ZC3H12C: variants seen among roughly 807,000 people sequenced by gnomAD.
ZC3H12C encodes zinc finger CCCH-type containing 12C.
In ZC3H12C, 20 loss-of-function variants were observed where a neutral mutation model predicts 76.3. That is an observed-to-expected ratio of 0.26 (90% confidence interval 0.18 to 0.38). ZC3H12C has a LOEUF of 0.38. Among genes scored for constraint, ZC3H12C ranks in the 10% least tolerant of loss-of-function variants. ZC3H12C has a pLI of 1.00. For missense variants in ZC3H12C, 874 were observed against 1,086.5 expected (o/e 0.80, Z 2.75); for synonymous variants, 352 against 399.6 (o/e 0.88, Z 1.42).
At chr11:110,159,105 A>C (rs1862430938) in intron 3 of ZC3H12C, 151 bp from the exon 4 acceptor site, 2 of 617,882 alleles carry the variant, frequency 3.2e-6, no homozygotes, top group East Asian at 5.5e-5. Flanking sequence ...AGAGTTGGAA[A>C]TGATGCTGTA....
rs1474777369 is a variant in ZC3H12C at position 110,163,355 on chromosome 11, C to T, written c.1231C>T (p.His411Tyr). 1.2e-6 allele frequency: 2 copies of T among 1,612,318 alleles called. No individual in the cohort carries two copies. Among genetic ancestry groups the T allele is most frequent in the African/African-American group, 1.3e-5 (1 of 74,922 alleles). Residue 411 changes from histidine (H) to tyrosine (Y), a missense_variant, in exon 5 of 6, where the codon CAC (histidine) becomes TAC (tyrosine). Coordinates refer to ENST00000278590, the MANE Select transcript of ZC3H12C (RefSeq NM_033390.2). ...GAGGAAGAAACCTATTGTTCCTGAA[C>T]ACAAAAAGCAGCCTTGTCCATATGG... is the stretch of plus-strand genomic sequence containing the variant. The part of the protein sequence containing the change: ...FLRKKPIVPE[H>Y]KKQPCPYGKK...
At chr11:110,131,045 T>C (rs1861856275) in intron 1 of ZC3H12C, 2 of 1,535,856 alleles carry the variant, frequency 1.3e-6, no homozygotes, top group Non-Finnish European at 1.7e-6. Context: ...GCTAAAATTG[T>C]GTTAAGGAGT....
chr11:110,122,969 C>T (rs931368849), intron 1 of ZC3H12C, among the ~76,000 whole-genome samples: 3 of 152,202 alleles, frequency 2.0e-5, no homozygotes, highest in Non-Finnish European at 4.4e-5. Context: ...GGATAATGCA[C>T]ATCCTGGGTG....
At position 110,164,483 on chromosome 11, in the gene ZC3H12C, A is replaced by G; in HGVS notation, c.1398A>G (p.Lys466=). ...AKTANEGGLV[K]SNSVPCSTKA... is the part of the protein sequence containing the mutation. The stretch of plus-strand genomic sequence containing the variant: ...CTGCAAACGAAGGAGGACTGGTGAA[A>G]AGCAACAGTGTTCCTTGTAGCACCA... Residue 466 remains lysine (K), a synonymous_variant, in exon 6 of 6, where the codon AAA becomes AAG. Transcript: ENST00000278590. This position sits in a 1 kb window ranked among gnomAD's most constrained non-coding sequence, Gnocchi z 5.7. 1 of 1,614,016 alleles carries G rather than the reference A, an allele frequency of 6.2e-7. No homozygotes were observed. Among genetic ancestry groups the G allele is most frequent in the East Asian group, 2.2e-5 (1 of 44,876 alleles).
In ZC3H12C at chr11:110,093,401, C is replaced by A. The variant is rs2134135764; in HGVS notation, c.-11C>A. On this transcript the variant is annotated 5_prime_UTR_variant, in exon 1 of 6. Transcript: ENST00000278590. ...CCGCCGCCCGCTCGCCGCTTTCTCGCGGGGCTGGCTATGCCGGGTGGCGGC... is the reference window on the plus strand; with the variant it reads ...CCGCCGCCCGCTCGCCGCTTTCTCGAGGGGCTGGCTATGCCGGGTGGCGGC... 3 of 1,189,308 alleles carry A rather than the reference C, an allele frequency of 2.5e-6. No individual in the cohort carries two copies. The highest frequency in any genetic ancestry group is 2.1e-6 in the Non-Finnish European group (2 of 959,774). The allele number at this position is 1,189,308 out of a possible 1,614,324, so 73.7% of individuals were successfully genotyped here.
chr11:110,106,954 T>G (rs1364731726), intron 1 of ZC3H12C, among the ~76,000 whole-genome samples: 1 of 152,226 alleles, frequency 6.6e-6, no homozygotes, highest in East Asian at 1.9e-4. Context: ...TGCTGGTTAG[T>G]AGTAGGCATT....
At chr11:110,156,868 A>G (rs1177593213) in intron 3 of ZC3H12C, among the ~76,000 whole-genome samples, 1 of 152,196 alleles carries the variant, frequency 6.6e-6, no homozygotes. Flanking sequence ...TTGCATTGGT[A>G]TTCTGTCATT....
Position 110,118,012 on chromosome 11 carries a change from T to TAC in ZC3H12C, c.22-18641_22-18640dup, listed in dbSNP as rs1162789600. Among the ~76,000 whole-genome samples, 3 of 127,846 alleles carry TAC rather than the reference T, an allele frequency of 2.3e-5. 1 individual carries two copies. The highest frequency in any genetic ancestry group is 4.9e-5 in the Non-Finnish European group (3 of 61,130). 83.9% of individuals were successfully genotyped at this position (127,846 alleles called of 152,430 possible). On this transcript the variant is annotated intron_variant, in intron 1 of 5. Coordinates refer to ENST00000278590, the MANE Select transcript of ZC3H12C (RefSeq NM_033390.2). ...TATACACACATATATATTATATATATACACACACACATATATATTATATAT... is the reference window on the plus strand; with the variant it reads ...TATACACACATATATATTATATATATACACACACACACATATATATTATATAT...
chr11:110,165,572 A>T lies in ZC3H12C; in HGVS notation c.2487A>T (p.Gln829His), dbSNP rs769698916. The T allele has an allele frequency of 1.2e-6, 2 of 1,612,528 alleles. No individual in the cohort carries two copies. The highest frequency in any genetic ancestry group is 3.3e-5 in the Admixed American group (2 of 59,728). Residue 829 changes from glutamine to histidine, a missense_variant, in exon 6 of 6, where the codon CAA becomes CAT. By Grantham distance (24) the Gln-to-His change is conservative. Transcript: ENST00000278590. ...GGATCCCATACTGTGGAATGCCGCA[A>T]GATCCCCCGAGGTATCAAGACAACC... ...AWRIPYCGMP[Q>H]DPPRYQDNRE... is the part of the protein sequence containing the mutation.
Position 110,169,353 on chromosome 11 carries a change from TG to T in ZC3H12C, c.*3617del. 1 of 148,996 alleles carries T rather than the reference TG, an allele frequency of 6.7e-6. No individual in the cohort carries two copies. The highest frequency in any genetic ancestry group is 1.5e-5 in the Non-Finnish European group (1 of 67,582). 9.2% of individuals were successfully genotyped at this position (148,996 alleles called of 1,614,324 possible). ...GGATGGCTCTGGGTGTGTGTGTGTG[TG>T]TGTGTGTGTGTGTGTGTGTGTGTGT... is the stretch of plus-strand genomic sequence containing the variant. On this transcript the variant is annotated 3_prime_UTR_variant, in exon 6 of 6. Transcript: ENST00000278590.
At chr11:110,122,382 A>T (rs1042708561) in intron 1 of ZC3H12C, among the ~76,000 whole-genome samples, 1 of 152,220 alleles carries the variant, frequency 6.6e-6, no homozygotes, top group Non-Finnish European at 1.5e-5. Flanking sequence ...TATACTTAAT[A>T]TAACCACGAG....
rs960031925 is a variant in ZC3H12C at position 110,169,957 on chromosome 11, C to G, written c.*4220C>G. On this transcript the variant is annotated 3_prime_UTR_variant, in exon 6 of 6. Coordinates refer to ENST00000278590, the MANE Select transcript of ZC3H12C (RefSeq NM_033390.2). ...TCCAATAAAACTTTATTTACAGAAA[C>G]GGGAAGCCGGTCAGATTGGGCCTGT... The G allele has an allele frequency of 6.6e-6, 1 of 152,112 alleles. No individual in the cohort carries two copies. The allele number at this position is 152,112 out of a possible 1,614,324, so 9.4% of individuals were successfully genotyped here.
intron 1 of ZC3H12C, among the ~76,000 whole-genome samples, chr11:110,112,753 G>A (rs1861456023): frequency 6.6e-6 from 1 of 152,192 alleles, no homozygotes; most frequent in Non-Finnish European, 1.5e-5. Flanking sequence ...AAGAAGGACT[G>A]CAGAGTTGAG....
intron 4 of ZC3H12C, among the ~76,000 whole-genome samples, chr11:110,159,839 A>G (rs893775423): frequency 6.6e-6 from 1 of 151,044 alleles, no homozygotes. Context: ...TAGAGCACTG[A>G]TAGCTTACTA....
intron 1 of ZC3H12C, among the ~76,000 whole-genome samples, chr11:110,106,358 C>T (rs1442523650): frequency 1.3e-5 from 2 of 152,168 alleles, no homozygotes; most frequent in Admixed American, 6.5e-5. Context: ...TCTCTGCACC[C>T]ATCACTGTTT....
rs1398873139 is a variant in ZC3H12C at position 110,166,881 on chromosome 11, A to T, written c.*1144A>T. The T allele has an allele frequency of 6.6e-6, 1 of 151,824 alleles. No individual in the cohort carries two copies. Among genetic ancestry groups the T allele is most frequent in the Non-Finnish European group, 1.5e-5 (1 of 67,962 alleles). 9.4% of individuals were successfully genotyped at this position (151,824 alleles called of 1,614,324 possible). A position where few individuals can be genotyped will look rare whatever the true frequency, so the allele number is the denominator to read the frequency against. ...TTAAAATTTTTGTAAGATATTGTATATTTTCCATTTTCCTGAAGGTAGTTT... is the reference window on the plus strand; with the variant it reads ...TTAAAATTTTTGTAAGATATTGTATTTTTTCCATTTTCCTGAAGGTAGTTT... On this transcript the variant is annotated 3_prime_UTR_variant, in exon 6 of 6. Transcript: ENST00000278590.
At position 110,158,523 on chromosome 11, in the gene ZC3H12C, A is replaced by AG. The variant is rs1565267987; in HGVS notation, c.914-733_914-732insG. 2.0e-5 allele frequency among the ~76,000 whole-genome samples: 3 copies of AG among 150,706 alleles called. No individual in the cohort carries two copies. The East Asian group carries it at 5.8e-4, about 29-fold the overall frequency. On this transcript the variant is annotated intron_variant, in intron 3 of 5. Coordinates refer to ENST00000278590, the MANE Select transcript of ZC3H12C (RefSeq NM_033390.2). ...AGACTCAGTCACAGAAAAAAAAAAA[A>AG]TCCAACCACAGACAAAATGAGCATA...
Position 110,170,419 on chromosome 11 carries a change from A to G in ZC3H12C, c.*4682A>G, listed in dbSNP as rs942021820. Reference sequence around the variant, plus strand: ...TTGGTTTTGGCTTCTAATAAATAACATATCTGCCATTCTTTAAAAATGATT... The same window carrying G: ...TTGGTTTTGGCTTCTAATAAATAACGTATCTGCCATTCTTTAAAAATGATT... On this transcript the variant is annotated 3_prime_UTR_variant, in exon 6 of 6. Coordinates refer to ENST00000278590, the MANE Select transcript of ZC3H12C (RefSeq NM_033390.2). 3 of 152,216 alleles carry G rather than the reference A, an allele frequency of 2.0e-5. No homozygotes were observed. Among genetic ancestry groups the G allele is most frequent in the Non-Finnish European group, 1.5e-5 (1 of 68,010 alleles). 9.4% of individuals were successfully genotyped at this position (152,216 alleles called of 1,614,324 possible).
At chr11:110,158,034 C>CTGTAGGTT (rs1862409066) in intron 3 of ZC3H12C, among the ~76,000 whole-genome samples, 1 of 152,104 alleles carries the variant, frequency 6.6e-6, no homozygotes, top group Non-Finnish European at 1.5e-5. Context: ...ATCATGACAT[C>CTGTAGGTT]TGTAGGTTTG....
Sources: gnomAD v4.1 joint callset for allele counts (sites outside exome capture counted in the v4.1 genomes callset) on GRCh38, gnomAD v4.1.1 for gene constraint, Gnocchi (gnomAD v3.1) non-coding constraint, MANE v1.5 for transcripts, NCBI Gene and HGNC (gene_info 2026-07-23, HGNC 2026-07-21) for gene names.